GALNT13: variants seen among roughly 807,000 people sequenced by gnomAD.
GALNT13 encodes polypeptide N-acetylgalactosaminyltransferase 13.
Under a neutral mutation model 64.2 loss-of-function variants are expected in GALNT13, and 28 were observed. The observed-to-expected ratio is 0.44, with a 90% CI of 0.32 to 0.60. GALNT13 has a LOEUF of 0.60. Among genes scored for constraint, GALNT13 ranks in the 20% least tolerant of loss-of-function variants. The pLI is 0.05. For synonymous variants in GALNT13, 214 were observed against 224.6 expected (o/e 0.95, Z 0.42); for missense variants, 577 against 669.8 (o/e 0.86, Z 1.53).
intron 3 of GALNT13, among the ~76,000 whole-genome samples, chr2:153,954,359 C>T (rs1037825004): frequency 1.3e-5 from 2 of 152,002 alleles, no homozygotes; most frequent in African/African-American, 4.8e-5. Context: ...AATATACCAA[C>T]ACAATTGATT....
chr2:154,120,999 A>G (rs946823243), intron 3 of GALNT13, among the ~76,000 whole-genome samples: 3 of 152,122 alleles, frequency 2.0e-5, no homozygotes, highest in African/African-American at 7.2e-5. Context: ...AGAATGTTGG[A>G]ATTCTAGGGA....
At chr2:153,603,271 T>C in the GALNT13 span, among the ~76,000 whole-genome samples, 1 of 151,974 alleles carries the variant, frequency 6.6e-6, no homozygotes, top group Admixed American at 6.6e-5. Context: ...AAAGAAGCCA[T>C]TTGGGAACAT....
the GALNT13 span, among the ~76,000 whole-genome samples, chr2:153,759,426 A>T: frequency 1.9e-4 from 29 of 152,118 alleles, no homozygotes; most frequent in Non-Finnish European, 3.1e-4. Context: ...ATTAAGTATA[A>T]TGTTAGCTGT....
At chr2:154,078,434 T>C (rs1218786653) in intron 3 of GALNT13, among the ~76,000 whole-genome samples, 1 of 149,516 alleles carries the variant, frequency 6.7e-6, no homozygotes. Flanking sequence ...ATGATAGCTA[T>C]AGATAGATAG....
chr2:153,611,733 G>A, the GALNT13 span, among the ~76,000 whole-genome samples: 263 of 124,560 alleles, frequency 2.1e-3, 1 homozygote, highest in Non-Finnish European at 3.0e-3. Flanking sequence ...TACATGTGCT[G>A]AATGTGCAGG....
chr2:154,290,843 G>A (rs953543491), intron 8 of GALNT13, among the ~76,000 whole-genome samples: 1 of 152,066 alleles, frequency 6.6e-6, no homozygotes, highest in Admixed American at 6.5e-5. Flanking sequence ...CTGGCTTCAG[G>A]AGTGAAGCTG....
At chr2:153,085,825 C>T in the GALNT13 span, among the ~76,000 whole-genome samples, 2 of 152,092 alleles carry the variant, frequency 1.3e-5, no homozygotes, top group Non-Finnish European at 2.9e-5. Context: ...ATTCTCCAGA[C>T]CCCAGAATGG....
the GALNT13 span, among the ~76,000 whole-genome samples, chr2:153,611,014 C>A: frequency 6.6e-6 from 1 of 152,162 alleles, no homozygotes; most frequent in East Asian, 1.9e-4. Flanking sequence ...CCTAGGAACA[C>A]ACAAATCAGG....
intron 2 of GALNT13, among the ~76,000 whole-genome samples, chr2:153,939,985 A>C (rs1205390703): frequency 6.6e-6 from 1 of 152,156 alleles, no homozygotes; most frequent in Non-Finnish European, 1.5e-5. Context: ...TTTACAGGCT[A>C]TGTTAGGTTC....
At chr2:154,413,936 C>T (rs1699898155) in intron 11 of GALNT13, among the ~76,000 whole-genome samples, 1 of 151,986 alleles carries the variant, frequency 6.6e-6, no homozygotes, top group African/African-American at 2.4e-5. Context: ...CTGGCAAGCG[C>T]CAATATTTAC....
chr2:153,527,731 G>A, the GALNT13 span, among the ~76,000 whole-genome samples: 1 of 152,074 alleles, frequency 6.6e-6, no homozygotes, highest in Non-Finnish European at 1.5e-5. Flanking sequence ...TCCAGACATG[G>A]ACAGTATCAT....
chr2:153,193,876 G>A, the GALNT13 span, among the ~76,000 whole-genome samples: 1 of 152,064 alleles, frequency 6.6e-6, no homozygotes, highest in African/African-American at 2.4e-5. Flanking sequence ...TTACAGTATT[G>A]CTGCCTGATT....
At chr2:153,247,362 T>C in the GALNT13 span, among the ~76,000 whole-genome samples, 1 of 152,236 alleles carries the variant, frequency 6.6e-6, no homozygotes, top group African/African-American at 2.4e-5. Context: ...TGGCAGGTAT[T>C]CTAATATCTA....
intron 9 of GALNT13, among the ~76,000 whole-genome samples, chr2:154,358,964 C>T (rs762738649): frequency 1.3e-5 from 2 of 152,044 alleles, no homozygotes; most frequent in Non-Finnish European, 2.9e-5. Context: ...TAGGACAAAA[C>T]AAATTTTGAT....
chr2:154,307,395 A>G (rs1005707684), intron 9 of GALNT13, among the ~76,000 whole-genome samples: 11 of 152,168 alleles, frequency 7.2e-5, no homozygotes, highest in Non-Finnish European at 1.3e-4. Flanking sequence ...ACTCCCAATT[A>G]ATTTAAAGTT....
At chr2:153,154,289 A>T in the GALNT13 span, among the ~76,000 whole-genome samples, 3 of 152,172 alleles carry the variant, frequency 2.0e-5, no homozygotes, top group Non-Finnish European at 1.5e-5. Flanking sequence ...TCCCCTGCAC[A>T]TGCTGTCTTG....
chr2:153,384,038 C>CCA, the GALNT13 span, among the ~76,000 whole-genome samples: 3 of 152,018 alleles, frequency 2.0e-5, no homozygotes, highest in African/African-American at 7.2e-5. Flanking sequence ...TTATGAAAGA[C>CCA]TTTAGATAGC....
the GALNT13 span, among the ~76,000 whole-genome samples, chr2:153,793,777 A>T: frequency 6.6e-6 from 1 of 152,202 alleles, no homozygotes; most frequent in African/African-American, 2.4e-5. Flanking sequence ...AAAGGGAAAT[A>T]GCATTTTCTT....
At chr2:153,566,505 C>T in the GALNT13 span, among the ~76,000 whole-genome samples, 1 of 151,948 alleles carries the variant, frequency 6.6e-6, no homozygotes, top group Non-Finnish European at 1.5e-5. Flanking sequence ...CAGGCGCCTG[C>T]CACCGCGCCC....
Sources: allele counts gnomAD v4.1 joint callset (sites outside exome capture counted in the v4.1 genomes callset), GRCh38; gene constraint gnomAD v4.1.1; transcripts MANE v1.5; gene names NCBI Gene and HGNC (gene_info 2026-07-23, HGNC 2026-07-21).